CBARP: variants seen among roughly 807,000 people sequenced by gnomAD.
CBARP encodes CACN subunit beta associated regulatory protein, also known as voltage-dependent calcium channel beta subunit-associated regulatory protein.
CBARP carries 24 observed loss-of-function variants against 36.3 expected under a neutral mutation model. That is an observed-to-expected ratio of 0.66 (90% CI 0.48 to 0.93). The LOEUF (loss-of-function observed/expected upper bound fraction) is 0.93, where lower values mean the gene tolerates loss of function less well. Among genes scored for constraint, CBARP ranks in the 40% least tolerant of loss-of-function variants. The pLI, the probability that CBARP is intolerant of heterozygous loss-of-function variation, is 0.00. For synonymous variants in CBARP, 586 were observed against 453.2 expected (o/e 1.29, Z -3.72); for missense variants, 1,146 against 980.4 (o/e 1.17, Z -2.26).
In CBARP at chr19:1,236,071, G is replaced by A. The variant is rs746119191; in HGVS notation, c.30C>T (p.Ala10=). Residue 10 remains alanine, a synonymous_variant, in exon 2 of 10, where the codon GCC becomes GCT. Coordinates refer to ENST00000650044, the MANE Select transcript of CBARP (RefSeq NM_001393918.1). ...CAGTGGTGGTGGTGGTGGTGGTGGCGGCTGTGGCCATGGTGGCTGTGGGCT... is the reference window on the plus strand; with the variant it reads ...CAGTGGTGGTGGTGGTGGTGGTGGCAGCTGTGGCCATGGTGGCTGTGGGCT... MQPTATMAT[A]ATTTTTTTAT... 3.1e-5 allele frequency: 47 copies of A among 1,506,882 alleles called. No individual in the cohort carries two copies. Among genetic ancestry groups the A allele is most frequent in the Admixed American group, 6.6e-5 (3 of 45,198 alleles). The allele number at this position is 1,506,882 out of a possible 1,614,324, so 93.3% of individuals were successfully genotyped here.
At chr19:1,238,249 G>C (rs2081002922), upstream of CBARP, 1 of 141,996 alleles carries the variant, frequency 7.0e-6, no homozygotes, top group East Asian at 2.5e-4. Flanking sequence ...CGCAGGAGGG[G>C]GTGGGGTCCG....
chr19:1,233,783 C>T (rs1282135054), intron 7 of CBARP, 147 bp from the exon 8 acceptor site: 25 of 810,394 alleles, frequency 3.1e-5, no homozygotes, highest in Middle Eastern at 3.7e-4. Context: ...GGGGCAGAAG[C>T]GGGAGGAGGG....
rs1342708206 is a variant in CBARP, at chr19:1,234,578, A to G, written c.620T>C (p.Ile207Thr). The G allele has an allele frequency of 1.2e-6, 2 of 1,603,818 alleles. No individual in the cohort carries two copies. Among genetic ancestry groups the G allele is most frequent in the South Asian group, 2.2e-5 (2 of 88,970 alleles). ...PATSPKATLA[I>T]FQPPGKALTG... is the part of the protein sequence containing the mutation. ...TGCTGCCCATAGGCTCACCTGGAAG[A>G]TGGCCAGAGTGGCCTTGGGAGAGGT... The change falls in exon 6 of 10, where the codon ATC (isoleucine) becomes ACC (threonine). Residue 207 changes from isoleucine to threonine, a missense_variant. Coordinates refer to ENST00000650044, the MANE Select transcript of CBARP (RefSeq NM_001393918.1).
At position 1,229,193 on chromosome 19, in the gene CBARP, G is replaced by A. The variant is rs1464526440; in HGVS notation, c.2104C>T (p.His702Tyr). Reference protein sequence around the residue: ...LVAAAPTSPDHSPA With the variant: ...LVAAAPTSPDYSPA The stretch of plus-strand genomic sequence containing the variant: ...GGACGCGGGACTTAGGCCGGGCTGT[G>A]GTCGGGGGACGTGGGGGCGGCGGCG... The change falls in exon 10 of 10, where the codon CAC (histidine) becomes TAC (tyrosine). Residue 702 changes from histidine (H) to tyrosine (Y), a missense_variant. By Grantham distance (83) the His-to-Tyr change is moderately conservative. Coordinates refer to ENST00000650044, the MANE Select transcript of CBARP (RefSeq NM_001393918.1). The surrounding 1 kb of genome is among the most constrained non-coding windows in gnomAD (Gnocchi z 5.1). The A allele has an allele frequency of 2.5e-6, 3 of 1,183,860 alleles. No individual in the cohort carries two copies. The highest frequency in any genetic ancestry group is 3.2e-6 in the Non-Finnish European group (3 of 935,004). The allele number at this position is 1,183,860 out of a possible 1,614,324, so 73.3% of individuals were successfully genotyped here. A position where few individuals can be genotyped will look rare whatever the true frequency, so the allele number is the denominator to read the frequency against.
At chr19:1,236,668 G>C (rs1397699088) in intron 1 of CBARP, among the ~76,000 whole-genome samples, 1 of 152,012 alleles carries the variant, frequency 6.6e-6, no homozygotes, top group Non-Finnish European at 1.5e-5. Context: ...GTGCTCCCGG[G>C]TCACGACTCC....
intron 9 of CBARP, 60 bp downstream of exon 9, chr19:1,231,041 G>T (rs763362020): frequency 1.2e-5 from 19 of 1,557,268 alleles, no homozygotes; most frequent in East Asian, 2.3e-5. Flanking sequence ...CCTAGGGGGG[G>T]GCGAAGGGGG....
At position 1,233,466 on chromosome 19, in the gene CBARP, C is replaced by G; in HGVS notation, c.939G>C (p.Lys313Asn). ...ASPYFKVKKW[K>N]LEPSQRAASL... ...TGGCTGCCCGCTGGCTGGGCTCCAG[C>G]TTCCACTTCTTGACCTTGAAATAGG... is the stretch of plus-strand genomic sequence containing the variant. The change falls in exon 8 of 10, where the codon AAG becomes AAC. Residue 313 changes from lysine to asparagine, a missense_variant. By Grantham distance (94) the Lys-to-Asn change is moderately conservative. Transcript: ENST00000650044. 1.2e-6 allele frequency: 2 copies of G among 1,602,070 alleles called. No individual in the cohort carries two copies. Among genetic ancestry groups the G allele is most frequent in the Non-Finnish European group, 1.7e-6 (2 of 1,174,998 alleles).
At chr19:1,235,746 T>C in intron 3 of CBARP, 33 bp downstream of exon 3, 1 of 1,606,070 alleles carries the variant, frequency 6.2e-7, no homozygotes, top group Non-Finnish European at 8.5e-7. Context: ...ACAACCACCA[T>C]GCACCTGCCC....
In CBARP at chr19:1,228,537, G is replaced by C; in HGVS notation, c.*642C>G. On this transcript the variant is annotated 3_prime_UTR_variant, in exon 10 of 10. Transcript: ENST00000650044. ...TGGGGACTCGGGGCGCGGGAGGGCCGGGGCCGGCTCCCTCAGGGCCGGCGG... is the reference window on the plus strand; with the variant it reads ...TGGGGACTCGGGGCGCGGGAGGGCCCGGGCCGGCTCCCTCAGGGCCGGCGG... The C allele has an allele frequency of 1.1e-5, 2 of 179,616 alleles. No homozygotes were observed. Among genetic ancestry groups the C allele is most frequent in the South Asian group, 1.8e-4 (1 of 5,588 alleles). 11.1% of individuals were successfully genotyped at this position (179,616 alleles called of 1,614,324 possible).
intron 9 of CBARP, chr19:1,230,834 A>C: frequency 6.8e-7 from 1 of 1,475,566 alleles, no homozygotes; most frequent in Non-Finnish European, 8.9e-7. Context: ...CTCCACCAGC[A>C]AGCAGCAGTA....
Position 1,229,946 on chromosome 19 carries a change from A to G in CBARP, c.1351T>C (p.Ser451Pro). The G allele has an allele frequency of 8.3e-7, 1 of 1,199,064 alleles. No individual in the cohort carries two copies. The highest frequency in any genetic ancestry group is 3.2e-5 in the Admixed American group (1 of 31,664). 74.3% of individuals were successfully genotyped at this position (1,199,064 alleles called of 1,614,324 possible). A position where few individuals can be genotyped will look rare whatever the true frequency, so the allele number is the denominator to read the frequency against. The change falls in exon 10 of 10, where the codon TCG becomes CCG. Residue 451 changes from serine (S) to proline (P), a missense_variant. Physicochemically the swap from Ser to Pro is moderately conservative, Grantham distance 74 (BLOSUM62 -1). Transcript: ENST00000650044. This position sits in a 1 kb window ranked among gnomAD's most constrained non-coding sequence, Gnocchi z 5.1. ...RASLELHAAA[S>P]DHSSSGNDRD... is the part of the protein sequence containing the mutation. ...TCGTTGCCGCTGCTGCTGTGGTCCG[A>G]GGCGGCCGCATGCAGCTCAAGCGAG...
chr19:1,230,910 G>T (rs375974361), intron 9 of CBARP, 191 bp downstream of exon 9: 18 of 1,570,878 alleles, frequency 1.1e-5, no homozygotes, highest in Non-Finnish European at 1.5e-5. Flanking sequence ...GTCTCTCCCT[G>T]CTTCCCTCCT....
chr19:1,234,239 G>A lies in CBARP; in HGVS notation c.720C>T (p.Phe240=), dbSNP rs781508045. The change falls in exon 7 of 10, where the codon TTC becomes TTT. Residue 240 remains phenylalanine, a synonymous_variant. Coordinates refer to ENST00000650044, the MANE Select transcript of CBARP (RefSeq NM_001393918.1). ...TAGATGCCGAGGGGCTGATCTCTGC[G>A]AAGTCAGTGGCGCCCGCGGCTGAGT... ...PYNSAAGATD[F]AEISPSASSD... 5.3e-6 allele frequency: 8 copies of A among 1,499,840 alleles called. No homozygotes were observed. Among genetic ancestry groups the A allele is most frequent in the African/African-American group, 2.8e-5 (2 of 71,252 alleles). The allele number at this position is 1,499,840 out of a possible 1,614,324, so 92.9% of individuals were successfully genotyped here.
chr19:1,235,095 G>A lies in CBARP; in HGVS notation c.361C>T (p.Arg121Cys), dbSNP rs747434861. 18 of 1,607,610 alleles carry A rather than the reference G, an allele frequency of 1.1e-5. No individual in the cohort carries two copies. Among genetic ancestry groups the A allele is most frequent in the South Asian group, 4.4e-5 (4 of 90,210 alleles). Residue 121 changes from arginine to cysteine, a missense_variant, in exon 5 of 10, where the codon CGC (arginine) becomes TGC (cysteine). Arg to Cys is a radical substitution (Grantham distance 180). Transcript: ENST00000650044. ...CCCGTGGAGCTGGTGGACAGGAAGCGTTCGGTCTCCGCATCCTGGCACTCG... is the reference window on the plus strand; with the variant it reads ...CCCGTGGAGCTGGTGGACAGGAAGCATTCGGTCTCCGCATCCTGGCACTCG... ...DPECQDAETE[R>C]FLSTSSTGRR... is the part of the protein sequence containing the mutation.
At chr19:1,238,027 C>T (rs1479183973), upstream of CBARP, 2 of 147,712 alleles carry the variant, frequency 1.4e-5, no homozygotes, top group Non-Finnish European at 3.0e-5. Context: ...CGCCGGCCAC[C>T]GCCTCCCCTT....
chr19:1,237,007 C>G (rs1386406663), intron 1 of CBARP, among the ~76,000 whole-genome samples: 3 of 152,028 alleles, frequency 2.0e-5, no homozygotes, highest in African/African-American at 7.2e-5. Flanking sequence ...AAGGAGCCGC[C>G]TGGACGCTGT....
At position 1,228,808 on chromosome 19, in the gene CBARP, C is replaced by T. The variant is rs1049943421; in HGVS notation, c.*371G>A. 2.0e-5 allele frequency: 3 copies of T among 147,330 alleles called. No homozygotes were observed. Among genetic ancestry groups the T allele is most frequent in the Admixed American group, 6.7e-5 (1 of 14,826 alleles). 9.1% of individuals were successfully genotyped at this position (147,330 alleles called of 1,614,324 possible). ...GCTGCGCGACCCTCGGGTGGCGGGC[C>T]CTGCGACTAAGCGGCCGCCCCGTCC... On this transcript the variant is annotated 3_prime_UTR_variant, in exon 10 of 10. Coordinates refer to ENST00000650044, the MANE Select transcript of CBARP (RefSeq NM_001393918.1).
chr19:1,233,706 C>T, intron 7 of CBARP, 70 bp from the exon 8 acceptor site: 5 of 1,457,724 alleles, frequency 3.4e-6, no homozygotes, highest in Non-Finnish European at 4.6e-6. Context: ...CCCAGGTGGC[C>T]GTAGGTCTGA....
chr19:1,233,289 G>A, intron 8 of CBARP, 137 bp downstream of exon 8: 2 of 904,230 alleles, frequency 2.2e-6, no homozygotes, highest in East Asian at 2.7e-5. Flanking sequence ...CCCGCTGGCA[G>A]ACTGGGCAGG....
Sources: gnomAD v4.1 joint callset for allele counts (sites outside exome capture counted in the v4.1 genomes callset) on GRCh38, gnomAD v4.1.1 for gene constraint, Gnocchi (gnomAD v3.1) non-coding constraint, MANE v1.5 for transcripts, NCBI Gene and HGNC (gene_info 2026-07-23, HGNC 2026-07-21) for gene names.